PLCL1: variants seen among roughly 807,000 people sequenced by gnomAD.
PLCL1 encodes phospholipase C like 1 (inactive), also known as inactive phospholipase C-like protein 1.
Under a neutral mutation model 84.4 loss-of-function variants are expected in PLCL1, and 41 were observed. The ratio of observed to expected loss-of-function variants is 0.49; its 90% confidence interval spans 0.38 to 0.63. The LOEUF (loss-of-function observed/expected upper bound fraction) is 0.63, where lower values mean the gene tolerates loss of function less well. Ranked by LOEUF, PLCL1 falls within the 30% of genes least tolerant of loss-of-function variation. The pLI, the probability that PLCL1 is intolerant of heterozygous loss-of-function variation, is 0.00. For synonymous variants in PLCL1, 490 were observed against 488.3 expected (o/e 1.00, Z -0.05); for missense variants, 1,206 against 1,367.8 (o/e 0.88, Z 1.87).
In PLCL1 at chr2:197,983,480, G is replaced by T. The variant is rs565187004; in HGVS notation, c.241-100278G>T. Among the ~76,000 whole-genome samples the T allele has an allele frequency of 2.0e-5, 3 of 151,860 alleles. No homozygotes were observed. The East Asian group carries it at 5.8e-4, about 29-fold the overall frequency. ...ACTCTTGAGCTCAAGTAATCCTCTCGCCTTGGCCTCCCAAAGTGTTGGGAT... is the reference window on the plus strand; with the variant it reads ...ACTCTTGAGCTCAAGTAATCCTCTCTCCTTGGCCTCCCAAAGTGTTGGGAT... On this transcript the variant is annotated intron_variant, in intron 1 of 5. Coordinates refer to ENST00000428675, the MANE Select transcript of PLCL1 (RefSeq NM_006226.4).
At chr2:198,059,116 G>A (rs760170239) in intron 1 of PLCL1, among the ~76,000 whole-genome samples, 1 of 152,074 alleles carries the variant, frequency 6.6e-6, no homozygotes, top group Non-Finnish European at 1.5e-5. Context: ...GGATAAGCAG[G>A]TTCCCTATTC....
chr2:197,833,194 C>T (rs74716471), intron 1 of PLCL1, among the ~76,000 whole-genome samples: 2 of 152,090 alleles, frequency 1.3e-5, no homozygotes, highest in South Asian at 2.1e-4. Context: ...CAAAATAGTA[C>T]GAGCTATTTA....
chr2:198,131,409 G>C (rs181929097), intron 5 of PLCL1, among the ~76,000 whole-genome samples: 1 of 152,028 alleles, frequency 6.6e-6, no homozygotes, highest in Non-Finnish European at 1.5e-5. Flanking sequence ...TATCTTTCAC[G>C]AGACAGTCTC....
chr2:197,837,473 A>G (rs1241018508), intron 1 of PLCL1, among the ~76,000 whole-genome samples: 1 of 152,148 alleles, frequency 6.6e-6, no homozygotes, highest in Non-Finnish European at 1.5e-5. Context: ...GGACATCAGG[A>G]GTATGTTAGA....
intron 1 of PLCL1, among the ~76,000 whole-genome samples, chr2:197,871,843 A>G (rs1687656604): frequency 6.6e-6 from 1 of 152,148 alleles, no homozygotes; most frequent in South Asian, 2.1e-4. Flanking sequence ...GAACACGACC[A>G]GCACTGCAAC....
chr2:198,096,008 ATTTTGTATATGTCT>A (rs1693181434), intron 3 of PLCL1, among the ~76,000 whole-genome samples: 1 of 152,180 alleles, frequency 6.6e-6, no homozygotes, highest in South Asian at 2.1e-4. Flanking sequence ...TTGATATGCC[ATTTTGTATATGTCT>A]TTAGGCTTTT....
intron 5 of PLCL1, among the ~76,000 whole-genome samples, chr2:198,136,733 C>T (rs978980667): frequency 7.9e-5 from 12 of 152,068 alleles, no homozygotes; most frequent in African/African-American, 2.4e-4. Context: ...TCCTTCAAAA[C>T]GTTCAGTGGA....
At chr2:198,033,500 G>C (rs563886146) in intron 1 of PLCL1, among the ~76,000 whole-genome samples, 1 of 152,138 alleles carries the variant, frequency 6.6e-6, no homozygotes, top group Non-Finnish European at 1.5e-5. Flanking sequence ...TACCAGTACC[G>C]TTTTCTCTTG....
Position 198,084,764 on chromosome 2 carries a change from A to G in PLCL1, c.1247A>G (p.Tyr416Cys), listed in dbSNP as rs773992669. The change falls in exon 2 of 6, where the codon TAT becomes TGT. Residue 416 changes from tyrosine (Y) to cysteine (C), a missense_variant. Transcript: ENST00000428675. ...HYYINASHNT[Y>C]LIEDQFRGPA... Reference sequence around the variant, plus strand: ...TATATCAATGCCTCTCATAACACCTATCTAATAGAAGACCAGTTCAGGGGG... The same window carrying G: ...TATATCAATGCCTCTCATAACACCTGTCTAATAGAAGACCAGTTCAGGGGG... 21 of 1,614,000 alleles carry G rather than the reference A, an allele frequency of 1.3e-5. No individual in the cohort carries two copies. Among genetic ancestry groups the G allele is most frequent in the South Asian group, 3.3e-5 (3 of 91,082 alleles).
intron 1 of PLCL1, among the ~76,000 whole-genome samples, chr2:198,057,732 CT>C (rs1392874014): frequency 2.0e-5 from 3 of 152,206 alleles, no homozygotes; most frequent in Non-Finnish European, 4.4e-5. Context: ...ACTCCAAGTG[CT>C]TTACAAGGAA....
chr2:197,912,055 C>T (rs1691317409), intron 1 of PLCL1, among the ~76,000 whole-genome samples: 1 of 152,166 alleles, frequency 6.6e-6, no homozygotes, highest in African/African-American at 2.4e-5. Context: ...TGGACACTTC[C>T]ACAGGGAACA....
intron 1 of PLCL1, among the ~76,000 whole-genome samples, chr2:197,910,416 C>T (rs1165358929): frequency 6.6e-6 from 1 of 152,234 alleles, no homozygotes; most frequent in African/African-American, 2.4e-5. Flanking sequence ...TCACCTTCTC[C>T]AAGGGCTTTA....
chr2:198,025,748 C>T (rs966588127), intron 1 of PLCL1, among the ~76,000 whole-genome samples: 4 of 152,008 alleles, frequency 2.6e-5, no homozygotes, highest in Non-Finnish European at 5.9e-5. Context: ...GAGAACTAAC[C>T]CTGGACAGCC....
rs1351091264 is a variant in PLCL1, at chr2:197,946,254, G to T, written c.241-137504G>T. On this transcript the variant is annotated intron_variant, in intron 1 of 5. Coordinates refer to ENST00000428675, the MANE Select transcript of PLCL1 (RefSeq NM_006226.4). Reference sequence around the variant, plus strand: ...AAAAATCAGAAACCCTAAAGTAGAAGATTGACATATTTGACTAAATAAAAT... The same window carrying T: ...AAAAATCAGAAACCCTAAAGTAGAATATTGACATATTTGACTAAATAAAAT... Among the ~76,000 whole-genome samples the T allele has an allele frequency of 5.9e-5, 9 of 152,094 alleles. No individual in the cohort carries two copies. In the East Asian group the frequency reaches 1.3e-3, roughly 23 times the overall value.
At chr2:198,074,512 T>TG (rs1211891206) in intron 1 of PLCL1, among the ~76,000 whole-genome samples, 1 of 152,130 alleles carries the variant, frequency 6.6e-6, no homozygotes, top group Non-Finnish European at 1.5e-5. Context: ...GTGTCATAGT[T>TG]GGGGGTAAAT....
chr2:197,845,286 A>G (rs967983115), intron 1 of PLCL1, among the ~76,000 whole-genome samples: 12 of 152,132 alleles, frequency 7.9e-5, no homozygotes, highest in African/African-American at 2.9e-4. Context: ...TATTTTACAC[A>G]CACATGCTAA....
chr2:198,036,742 T>C (rs749286758), intron 1 of PLCL1, among the ~76,000 whole-genome samples: 29 of 152,186 alleles, frequency 1.9e-4, no homozygotes, highest in Non-Finnish European at 2.6e-4. Context: ...TACTAGTCCA[T>C]AATGAAAGCA....
chr2:198,124,974 G>A (rs923094129), intron 5 of PLCL1, among the ~76,000 whole-genome samples: 2 of 152,038 alleles, frequency 1.3e-5, no homozygotes, highest in Non-Finnish European at 2.9e-5. Context: ...AGGGGCATTC[G>A]TCACATTTCA....
chr2:197,963,447 T>C (rs1309203577), intron 1 of PLCL1, among the ~76,000 whole-genome samples: 1 of 152,120 alleles, frequency 6.6e-6, no homozygotes, highest in East Asian at 1.9e-4. Flanking sequence ...GATTTTTTCC[T>C]ATAGAGTTGT....
Sources: allele counts gnomAD v4.1 joint callset (sites outside exome capture counted in the v4.1 genomes callset), GRCh38; gene constraint gnomAD v4.1.1; transcripts MANE v1.5; gene names NCBI Gene and HGNC (gene_info 2026-07-23, HGNC 2026-07-21).